The following VAV1 variants were observed in gnomAD, a reference collection of about 807,000 sequenced individuals.
VAV1 encodes proto-oncogene vav.
VAV1 carries 33 observed loss-of-function variants against 128.1 expected under a neutral mutation model. The observed-to-expected ratio is 0.26, with a 90% CI of 0.20 to 0.34. The LOEUF is 0.34. Among genes scored for constraint, VAV1 ranks in the 10% least tolerant of loss-of-function variants. The pLI is 1.00. For missense variants in VAV1, 715 were observed against 1,093.7 expected (o/e 0.65, Z 4.88); for synonymous variants, 394 against 409.8 (o/e 0.96, Z 0.47).
At chr19:6,825,943 T>A (rs1279791435) in intron 8 of VAV1, among the ~76,000 whole-genome samples, 1 of 151,968 alleles carries the variant, frequency 6.6e-6, no homozygotes, top group Non-Finnish European at 1.5e-5. Context: ...GTAATCCCAG[T>A]TACTCAGGAG....
At chr19:6,844,159 G>A (rs1412864887) in intron 22 of VAV1, among the ~76,000 whole-genome samples, 1 of 136,930 alleles carries the variant, frequency 7.3e-6, no homozygotes, top group African/African-American at 2.7e-5. Context: ...TGGTGAGGAA[G>A]TGATGGAGAT....
intron 1 of VAV1, among the ~76,000 whole-genome samples, chr19:6,793,992 A>G (rs11672850): frequency 0.015 from 2,244 of 152,258 alleles, 28 homozygotes; most frequent in Admixed American, 0.029. Context: ...CTTCTTTATC[A>G]TTTATGAAAA....
chr19:6,845,749 C>A (rs1321103595), intron 22 of VAV1, among the ~76,000 whole-genome samples: 1 of 147,670 alleles, frequency 6.8e-6, no homozygotes, highest in African/African-American at 2.5e-5. Flanking sequence ...TTATAGGTTA[C>A]CTATTTACTT....
At chr19:6,831,643 C>T (rs1487552420) in intron 14 of VAV1, among the ~76,000 whole-genome samples, 1 of 152,134 alleles carries the variant, frequency 6.6e-6, no homozygotes, top group Non-Finnish European at 1.5e-5. Flanking sequence ...GTGTCTCCCT[C>T]GAGGAGCCAG....
rs750310334 is a variant in VAV1, at chr19:6,847,955, G to A, written c.2013-43G>A. Reference sequence around the variant, plus strand: ...TCCATATGGCAATATGGGGACCCAGGCACGGGGACCGTGCCACCTCTGTCC... The same window carrying A: ...TCCATATGGCAATATGGGGACCCAGACACGGGGACCGTGCCACCTCTGTCC... On this transcript the variant is annotated intron_variant, in intron 22 of 26. Coordinates refer to ENST00000602142, the MANE Select transcript of VAV1 (RefSeq NM_005428.4). The A allele has an allele frequency of 8.4e-6, 12 of 1,435,682 alleles. No homozygotes were observed. In the South Asian group the frequency reaches 1.7e-4, roughly 20 times the overall value. The allele number at this position is 1,435,682 out of a possible 1,614,324, so 88.9% of individuals were successfully genotyped here.
intron 1 of VAV1, among the ~76,000 whole-genome samples, chr19:6,795,828 C>T (rs750428732): frequency 3.3e-5 from 5 of 152,152 alleles, no homozygotes; most frequent in African/African-American, 4.8e-5. Flanking sequence ...GGACTACAGG[C>T]GCGTGCCACC....
Position 6,788,350 on chromosome 19 carries a change from TTTATTATTATTATTATTATTA to T in VAV1, c.204+15357_204+15377del, listed in dbSNP as rs148778427. On this transcript the variant is annotated intron_variant, in intron 1 of 26. Coordinates refer to ENST00000602142, the MANE Select transcript of VAV1 (RefSeq NM_005428.4). ...CTTCGTTGAACATGATTCTTTTTAT[TTTATTATTATTATTATTATTA>T]TTATTATTATTATTATTTTGAGACT... is the stretch of plus-strand genomic sequence containing the variant. Among the ~76,000 whole-genome samples the T allele has an allele frequency of 2.2e-3, 314 of 141,978 alleles. 1 individual carries two copies. Among genetic ancestry groups the T allele is most frequent in the African/African-American group, 7.6e-3 (297 of 38,936 alleles). The allele number at this position is 141,978 out of a possible 152,430, so 93.1% of individuals were successfully genotyped here. A position where few individuals can be genotyped will look rare whatever the true frequency, so the allele number is the denominator to read the frequency against.
chr19:6,839,695 G>A (rs957715475), intron 21 of VAV1, among the ~76,000 whole-genome samples: 7 of 152,004 alleles, frequency 4.6e-5, no homozygotes, highest in East Asian at 1.9e-4. Flanking sequence ...AGTTAACAAT[G>A]TAACCTTTTT....
At chr19:6,802,663 G>T (rs1330883649) in intron 1 of VAV1, among the ~76,000 whole-genome samples, 2 of 152,118 alleles carry the variant, frequency 1.3e-5, no homozygotes, top group Admixed American at 6.6e-5. Flanking sequence ...GCCCATGAGC[G>T]CCCTCATTAT....
chr19:6,856,621 T>G (rs10416912), intron 26 of VAV1, among the ~76,000 whole-genome samples: 36,549 of 147,288 alleles, frequency 0.25, 9,043 homozygotes, highest in African/African-American at 0.65. Context: ...CTACTCGGGA[T>G]GCTGAGGCAG....
At chr19:6,784,570 G>C (rs977512240) in intron 1 of VAV1, among the ~76,000 whole-genome samples, 3 of 149,598 alleles carry the variant, frequency 2.0e-5, no homozygotes, top group Non-Finnish European at 4.4e-5. Context: ...CTTGGCTCAC[G>C]GCAGCCTCCG....
rs115184472 is a variant in VAV1, at chr19:6,814,760, A to G, written c.205-5942A>G. On this transcript the variant is annotated intron_variant, in intron 1 of 26. Coordinates refer to ENST00000602142, the MANE Select transcript of VAV1 (RefSeq NM_005428.4). ...TTTTCCCTCTGTCTTGTCTTGCAGTACAGGCTGAGATCTTCAATACAATGT... is the reference window on the plus strand; with the variant it reads ...TTTTCCCTCTGTCTTGTCTTGCAGTGCAGGCTGAGATCTTCAATACAATGT... 4.0e-3 allele frequency among the ~76,000 whole-genome samples: 511 copies of G among 128,418 alleles called. 6 individuals carry two copies. The highest frequency in any genetic ancestry group is 0.015 in the African/African-American group (491 of 32,768). 84.2% of individuals were successfully genotyped at this position (128,418 alleles called of 152,430 possible). A position where few individuals can be genotyped will look rare whatever the true frequency, so the allele number is the denominator to read the frequency against.
intron 1 of VAV1, among the ~76,000 whole-genome samples, chr19:6,780,365 A>C (rs935078956): frequency 6.7e-6 from 1 of 150,076 alleles, no homozygotes; most frequent in African/African-American, 2.4e-5. Context: ...AATAAAAGGA[A>C]TCTGTTCTGA....
chr19:6,817,592 G>C (rs753159743), intron 1 of VAV1, among the ~76,000 whole-genome samples: 46 of 152,134 alleles, frequency 3.0e-4, no homozygotes, highest in Non-Finnish European at 6.0e-4. Context: ...TTATTTGGGT[G>C]AGATAAACAA....
At chr19:6,854,193 C>A in intron 26 of VAV1, 95 bp downstream of exon 26, 1 of 1,492,264 alleles carries the variant, frequency 6.7e-7, no homozygotes. Context: ...TGAGGTGCGG[C>A]TCCCATGGAG....
At position 6,826,768 on chromosome 19, in the gene VAV1, C is replaced by T; in HGVS notation, c.927+57C>T. 2.9e-6 allele frequency: 4 copies of T among 1,356,604 alleles called. No individual in the cohort carries two copies. The highest frequency in any genetic ancestry group is 1.2e-5 in the South Asian group (1 of 80,470). 84.0% of individuals were successfully genotyped at this position (1,356,604 alleles called of 1,614,324 possible). A position where few individuals can be genotyped will look rare whatever the true frequency, so the allele number is the denominator to read the frequency against. On this transcript the variant is annotated intron_variant, in intron 9 of 26. Coordinates refer to ENST00000602142, the MANE Select transcript of VAV1 (RefSeq NM_005428.4). This position sits in a 1 kb window ranked among gnomAD's most constrained non-coding sequence, Gnocchi z 4.1. ...CCCGCTCCTCCCCAGGCCCTGGGGGCAGCAGGGAGGACACTGAGTTGCAGA... is the reference window on the plus strand; with the variant it reads ...CCCGCTCCTCCCCAGGCCCTGGGGGTAGCAGGGAGGACACTGAGTTGCAGA...
At chr19:6,816,491 G>GCT (rs145573343) in intron 1 of VAV1, 21 of 129,418 alleles carry the variant, frequency 1.6e-4, no homozygotes, top group Non-Finnish European at 2.9e-4. Flanking sequence ...TCTCTCTCTC[G>GCT]CTCTCTCTCT....
At chr19:6,835,421 C>A (rs1972196082) in intron 19 of VAV1, among the ~76,000 whole-genome samples, 3 of 152,076 alleles carry the variant, frequency 2.0e-5, no homozygotes, top group African/African-American at 7.2e-5. Context: ...AATGAAATCA[C>A]CTTAAAAATT....
intron 1 of VAV1, among the ~76,000 whole-genome samples, chr19:6,790,567 T>C (rs1053492272): frequency 4.6e-5 from 7 of 152,128 alleles, no homozygotes; most frequent in Admixed American, 1.3e-4. Context: ...AGCCCCTAGA[T>C]TGGGGCTTAG....
Sources: gnomAD v4.1 joint callset for allele counts (sites outside exome capture counted in the v4.1 genomes callset) on GRCh38, gnomAD v4.1.1 for gene constraint, Gnocchi (gnomAD v3.1) non-coding constraint, MANE v1.5 for transcripts, NCBI Gene and HGNC (gene_info 2026-07-23, HGNC 2026-07-21) for gene names.